The following BRMS1L variants were observed in gnomAD, a reference collection of about 807,000 sequenced individuals.
The protein encoded by BRMS1L is BRMS1 like transcriptional repressor.
In BRMS1L, 23 loss-of-function variants were observed where a neutral mutation model predicts 50.3. The observed-to-expected ratio is 0.46, with a 90% CI of 0.33 to 0.65. The LOEUF (loss-of-function observed/expected upper bound fraction) is 0.65. Ranked by LOEUF, BRMS1L falls within the 30% of genes least tolerant of loss-of-function variation. The pLI, the probability that BRMS1L is intolerant of heterozygous loss-of-function variation, is 0.02. For missense variants in BRMS1L, 286 were observed against 386.1 expected (o/e 0.74, Z 2.17); for synonymous variants, 114 against 126.9 (o/e 0.90, Z 0.69).
chr14:35,830,998 T>G (rs962800657), intron 1 of BRMS1L, among the ~76,000 whole-genome samples: 15 of 151,274 alleles, frequency 9.9e-5, no homozygotes, highest in African/African-American at 2.9e-4. Flanking sequence ...TGGAGTGCAG[T>G]GTCACAATCA....
At chr14:35,828,291 GC>G (rs2077871296) in intron 1 of BRMS1L, among the ~76,000 whole-genome samples, 1 of 151,274 alleles carries the variant, frequency 6.6e-6, no homozygotes, top group Non-Finnish European at 1.5e-5. Context: ...TCCTGCCTTA[GC>G]CTCCCGAGTA....
rs1367629108 is a variant in BRMS1L, at chr14:35,870,770, T to C, written c.*293T>C. On this transcript the variant is annotated 3_prime_UTR_variant, in exon 10 of 10. Transcript: ENST00000216807. The stretch of plus-strand genomic sequence containing the variant: ...TTTTCTTTGGTTTTAAAAAAAGTTA[T>C]GCAAATTTGTCTTATCTTTAGTAAA... 1 of 165,166 alleles carries C rather than the reference T, an allele frequency of 6.1e-6. No homozygotes were observed. Among genetic ancestry groups the C allele is most frequent in the African/African-American group, 2.4e-5 (1 of 41,896 alleles). The allele number at this position is 165,166 out of a possible 1,614,324, so 10.2% of individuals were successfully genotyped here. A position where few individuals can be genotyped will look rare whatever the true frequency, so the allele number is the denominator to read the frequency against.
At chr14:35,842,738 G>A (rs2078082784) in intron 4 of BRMS1L, among the ~76,000 whole-genome samples, 1 of 152,116 alleles carries the variant, frequency 6.6e-6, no homozygotes, top group Non-Finnish European at 1.5e-5. Context: ...TGCCAGGTTG[G>A]GGAAGTGCTC....
chr14:35,852,568 T>C (rs1271561936), intron 4 of BRMS1L, among the ~76,000 whole-genome samples: 1 of 152,214 alleles, frequency 6.6e-6, no homozygotes, highest in Non-Finnish European at 1.5e-5. Context: ...TTATTCCTAA[T>C]TGTTTTATTC....
chr14:35,831,648 C>T, intron 2 of BRMS1L, 148 bp downstream of exon 2: 1 of 628,218 alleles, frequency 1.6e-6, no homozygotes, highest in Non-Finnish European at 2.8e-6. Context: ...TGTTTGTCTA[C>T]TAAAGACCTC....
chr14:35,851,057 C>T (rs1175876519), intron 4 of BRMS1L, among the ~76,000 whole-genome samples: 1 of 152,138 alleles, frequency 6.6e-6, no homozygotes, highest in African/African-American at 2.4e-5. Context: ...GTTGAAAAGT[C>T]CAGGAAGATT....
At chr14:35,863,046 A>G (rs1206469208) in intron 5 of BRMS1L, among the ~76,000 whole-genome samples, 3 of 152,100 alleles carry the variant, frequency 2.0e-5, no homozygotes, top group Non-Finnish European at 4.4e-5. Context: ...TCGAGATTGC[A>G]ATTGCAGTGA....
chr14:35,858,902 C>T (rs534927019), intron 4 of BRMS1L, among the ~76,000 whole-genome samples: 19 of 151,806 alleles, frequency 1.3e-4, no homozygotes, highest in Middle Eastern at 3.4e-3. Flanking sequence ...TAGATTTCTG[C>T]CAGATTTTGT....
At chr14:35,834,215 G>A (rs867588124) in intron 3 of BRMS1L, among the ~76,000 whole-genome samples, 11 of 152,054 alleles carry the variant, frequency 7.2e-5, no homozygotes, top group Admixed American at 2.6e-4. Context: ...AGCTCTTTGC[G>A]TGCCGTTTTT....
At chr14:35,829,554 C>T (rs2077891484) in intron 1 of BRMS1L, among the ~76,000 whole-genome samples, 1 of 152,202 alleles carries the variant, frequency 6.6e-6, no homozygotes, top group South Asian at 2.1e-4. Flanking sequence ...TCATGTTAAA[C>T]TTTCACAGTG....
chr14:35,838,408 C>G (rs1372297960), intron 4 of BRMS1L, among the ~76,000 whole-genome samples: 3 of 152,168 alleles, frequency 2.0e-5, no homozygotes, highest in Non-Finnish European at 4.4e-5. Flanking sequence ...ATTCCTGGGT[C>G]AAGTGGTATT....
intron 4 of BRMS1L, among the ~76,000 whole-genome samples, chr14:35,846,474 C>A (rs1290169714): frequency 6.6e-6 from 1 of 151,466 alleles, no homozygotes; most frequent in Admixed American, 6.6e-5. Context: ...TTTTTAGTCT[C>A]CTTCAGTGTG....
chr14:35,863,696 C>T (rs2078382245), intron 5 of BRMS1L, among the ~76,000 whole-genome samples, 174 bp from the exon 6 acceptor site: 1 of 152,182 alleles, frequency 6.6e-6, no homozygotes, highest in South Asian at 2.1e-4. Flanking sequence ...CAGAGCAAAA[C>T]TTAAACACGT....
intron 4 of BRMS1L, among the ~76,000 whole-genome samples, chr14:35,858,096 C>G (rs1262812265): frequency 4.6e-5 from 7 of 151,574 alleles, no homozygotes. Context: ...AAGGTCAAAA[C>G]TGCTTCTCGT....
chr14:35,840,535 A>G (rs1471200749), intron 4 of BRMS1L, among the ~76,000 whole-genome samples: 1 of 152,080 alleles, frequency 6.6e-6, no homozygotes, highest in Non-Finnish European at 1.5e-5. Context: ...TAATTAGTGC[A>G]TCAGTTTCAG....
chr14:35,859,406 C>T (rs920870947), intron 4 of BRMS1L, among the ~76,000 whole-genome samples: 1 of 152,164 alleles, frequency 6.6e-6, no homozygotes, highest in African/African-American at 2.4e-5. Context: ...ATCATGTTTC[C>T]TCAGAATTTT....
chr14:35,833,157 C>T (rs951351454), intron 3 of BRMS1L, 52 bp downstream of exon 3: 1 of 1,531,126 alleles, frequency 6.5e-7, no homozygotes, highest in Non-Finnish European at 8.9e-7. Context: ...TCTTCAGTAG[C>T]TTTAAAAGGT....
chr14:35,841,834 C>A (rs560190838), intron 4 of BRMS1L, among the ~76,000 whole-genome samples: 1 of 152,194 alleles, frequency 6.6e-6, no homozygotes, highest in Admixed American at 6.5e-5. Flanking sequence ...TAAGAGCTTC[C>A]TTTATGAATC....
intron 4 of BRMS1L, among the ~76,000 whole-genome samples, chr14:35,853,294 T>G (rs1010061016): frequency 3.3e-5 from 5 of 152,194 alleles, no homozygotes; most frequent in Non-Finnish European, 5.9e-5. Flanking sequence ...ATAGCATATA[T>G]CTTGATGATT....
Sources: gnomAD v4.1 joint callset for allele counts (sites outside exome capture counted in the v4.1 genomes callset) on GRCh38, gnomAD v4.1.1 for gene constraint, MANE v1.5 for transcripts, NCBI Gene and HGNC (gene_info 2026-07-23, HGNC 2026-07-21) for gene names.